Variants in CASK observed in about 807,000 individuals in gnomAD.
CASK encodes the protein calcium/calmodulin dependent serine protein kinase.
A neutral mutation model predicts 82.9 loss-of-function variants in CASK; 4 were observed. The observed-to-expected ratio is 0.05, with a 90% CI of 0.02 to 0.11. The LOEUF (loss-of-function observed/expected upper bound fraction) is 0.11. CASK is among the 10% of genes least tolerant of loss of function. The probability of loss-of-function intolerance (pLI) is 1.00; values close to 1 mark genes in which losing one functional copy is unlikely to be tolerated. For synonymous variants in CASK, 259 were observed against 253.5 expected, an observed-to-expected ratio of 1.02 and a Z score of -0.20; for missense variants, 358 against 720.9, an observed-to-expected ratio of 0.50 and a Z score of 5.76.
chrX:41,850,903 C>T (rs1353890976), intron 2 of CASK, among the ~76,000 whole-genome samples: 1 of 111,273 alleles, frequency 9.0e-6, no homozygotes, highest in Non-Finnish European at 1.9e-5. Context: ...AAGTCAGAAT[C>T]AAGAAAGCTT....
At chrX:41,710,407 C>T (rs1353987683) in intron 5 of CASK, among the ~76,000 whole-genome samples, 1 of 110,776 alleles carries the variant, frequency 9.0e-6, no homozygotes, top group Non-Finnish European at 1.9e-5. Flanking sequence ...TTTCAACTAC[C>T]ACCCCTGAAA....
At chrX:41,605,760 C>T (rs1010989015) in intron 12 of CASK, among the ~76,000 whole-genome samples, 11 of 111,627 alleles carry the variant, frequency 9.9e-5, no homozygotes, top group Non-Finnish European at 2.1e-4. Context: ...CTCACTGCTA[C>T]GTCCACCTCC....
At chrX:41,714,551 A>G (rs1161720850) in intron 5 of CASK, among the ~76,000 whole-genome samples, 1 of 111,739 alleles carries the variant, frequency 8.9e-6, no homozygotes, top group Non-Finnish European at 1.9e-5. Context: ...CAAGCCCACA[A>G]TCTGTAGAAT....
At chrX:41,848,292 T>G (rs1244467410) in intron 2 of CASK, among the ~76,000 whole-genome samples, 1 of 112,040 alleles carries the variant, frequency 8.9e-6, no homozygotes, top group Non-Finnish European at 1.9e-5. Flanking sequence ...TGAAGATTGA[T>G]CCCCAATGTT....
At position 41,636,644 on chromosome X, in the gene CASK, G is replaced by A. The variant is rs1192158623; in HGVS notation, c.849C>T (p.Ala283=). The change falls in exon 9 of 27, where the codon GCC becomes GCT. Residue 283 remains alanine, a synonymous_variant. Transcript: ENST00000378163. ...CTGTTTCTGGAAGATGAATCTTGTA[G>A]GCGTAACGATCCCGCTCCTATGTAA... ...HPWLKERDRY[A]YKIHLPETVE... 3 of 1,181,361 alleles carry A rather than the reference G, an allele frequency of 2.5e-6. No homozygotes were observed. Among genetic ancestry groups the A allele is most frequent in the African/African-American group, 3.5e-5 (2 of 56,638 alleles).
At chrX:41,613,840 T>C (rs2066147909) in intron 11 of CASK, among the ~76,000 whole-genome samples, 1 of 111,707 alleles carries the variant, frequency 9.0e-6, no homozygotes, top group African/African-American at 3.3e-5. Context: ...TTCCAAGTTT[T>C]TCTACAATAG....
At position 41,727,443 on chromosome X, in the gene CASK, T is replaced by C; in HGVS notation, c.429+11941A>G. On this transcript the variant is annotated intron_variant, in intron 5 of 26. Coordinates refer to ENST00000378163, the MANE Select transcript of CASK (RefSeq NM_001367721.1). ...CTTCATGCTATGAGAAAATATTTTA[T>C]GGCCATTTACTGAAAAAATTTCGCC... 3.3e-6 allele frequency: 4 copies of C among 1,210,323 alleles called. No homozygotes were observed. The African/African-American group carries it at 6.9e-5, about 21-fold the overall frequency.
intron 3 of CASK, among the ~76,000 whole-genome samples, chrX:41,769,115 A>G (rs1463380383): frequency 1.8e-5 from 2 of 110,538 alleles, no homozygotes; most frequent in African/African-American, 6.6e-5. Flanking sequence ...GCTTCTTGTA[A>G]TGGTAGACTA....
chrX:41,765,290 A>G (rs2069089846), intron 3 of CASK, among the ~76,000 whole-genome samples: 1 of 112,335 alleles, frequency 8.9e-6, no homozygotes, highest in Non-Finnish European at 1.9e-5. Context: ...GAAGTAAGAC[A>G]TATACTAATT....
chrX:41,803,821 G>A (rs2070054767), intron 2 of CASK, among the ~76,000 whole-genome samples: 1 of 111,513 alleles, frequency 9.0e-6, no homozygotes, highest in Admixed American at 9.6e-5. Context: ...GATGATATCT[G>A]AAACTATGAA....
At chrX:41,637,378 CTTTTTTTTTTTT>C (rs758261036) in intron 8 of CASK, among the ~76,000 whole-genome samples, 274 of 36,855 alleles carry the variant, frequency 7.4e-3, no homozygotes, top group African/African-American at 0.033. Context: ...TTAGGACACG[CTTTTTTTTTTTT>C]TTTTTTTTTT....
chrX:41,674,596 A>AT (rs760083498), intron 5 of CASK, among the ~76,000 whole-genome samples: 4 of 110,851 alleles, frequency 3.6e-5, no homozygotes, highest in Non-Finnish European at 7.6e-5. Flanking sequence ...ATTGGAACTC[A>AT]TTTTTTTCAG....
rs748158280 is a variant in CASK at position 41,573,904 on chromosome X, C to T, written c.1504-4158G>A. ...TGTCAGTTTGGGGCTAATTACTTCT[C>T]ATTACAGAGATAAGACTTCCCTGAG... On this transcript the variant is annotated intron_variant, in intron 15 of 26. Coordinates refer to ENST00000378163, the MANE Select transcript of CASK (RefSeq NM_001367721.1). Among the ~76,000 whole-genome samples, 152 of 111,558 alleles carry T rather than the reference C, an allele frequency of 1.4e-3. 2 individuals are homozygous for T. Among genetic ancestry groups the T allele is most frequent in the African/African-American group, 4.8e-3 (148 of 30,684 alleles).
At position 41,847,880 on chromosome X, in the gene CASK, C is replaced by T. The variant is rs560261184; in HGVS notation, c.172+5235G>A. ...CTCAGTCAGGGAGTTCACATTTCTA[C>T]CTTATCATTCAATTCCTGTTTATGT... is the stretch of plus-strand genomic sequence containing the variant. On this transcript the variant is annotated intron_variant, in intron 2 of 26. Transcript: ENST00000378163. 2.4e-4 allele frequency among the ~76,000 whole-genome samples: 27 copies of T among 111,889 alleles called. No homozygotes were observed. The South Asian group carries it at 9.7e-3, about 40-fold the overall frequency.
At chrX:41,912,625 G>A (rs989570385) in intron 1 of CASK, among the ~76,000 whole-genome samples, 2 of 106,654 alleles carry the variant, frequency 1.9e-5, no homozygotes, top group African/African-American at 6.8e-5. Context: ...TTTTTAAAAA[G>A]ACAGAAAGGA....
At chrX:41,764,348 T>G (rs1249307492) in intron 3 of CASK, among the ~76,000 whole-genome samples, 1 of 110,756 alleles carries the variant, frequency 9.0e-6, no homozygotes. Context: ...CCTCAAGTCC[T>G]TTTTTCTTCT....
rs541769420 is a variant in CASK at position 41,527,247 on chromosome X, G to C, written c.2521-3213C>G. 1.4e-4 allele frequency among the ~76,000 whole-genome samples: 15 copies of C among 110,579 alleles called. 1 individual carries two copies. The South Asian group carries it at 5.1e-3, about 37-fold the overall frequency. Reference sequence around the variant, plus strand: ...GGGGAGAGGCAGAGAGAGAGACAGAGAGAGAGAGAGAGTGTGTGTGTGTGT... The same window carrying C: ...GGGGAGAGGCAGAGAGAGAGACAGACAGAGAGAGAGAGTGTGTGTGTGTGT... On this transcript the variant is annotated intron_variant, in intron 25 of 26. Coordinates refer to ENST00000378163, the MANE Select transcript of CASK (RefSeq NM_001367721.1).
At chrX:41,886,363 G>A (rs1039180786) in intron 1 of CASK, among the ~76,000 whole-genome samples, 2 of 111,373 alleles carry the variant, frequency 1.8e-5, no homozygotes, top group African/African-American at 6.5e-5. Flanking sequence ...GGAACCCCTC[G>A]GAACGTCTAG....
intron 8 of CASK, among the ~76,000 whole-genome samples, chrX:41,643,327 G>A (rs748625924): frequency 8.9e-6 from 1 of 111,769 alleles, no homozygotes; most frequent in East Asian, 2.8e-4. Context: ...TTGGTAGCTT[G>A]ATGGGGATGG....
Sources: gnomAD v4.1 joint callset for allele counts (sites outside exome capture counted in the v4.1 genomes callset) on GRCh38, gnomAD v4.1.1 for gene constraint, MANE v1.5 for transcripts, NCBI Gene and HGNC (gene_info 2026-07-23, HGNC 2026-07-21) for gene names.